FRMD5: variants seen among roughly 807,000 people sequenced by gnomAD.
The protein encoded by FRMD5 is FERM domain containing 5.
A neutral mutation model predicts 69.0 loss-of-function variants in FRMD5; 20 were observed. That is an observed-to-expected ratio of 0.29 (90% confidence interval 0.20 to 0.42). The LOEUF (loss-of-function observed/expected upper bound fraction) is 0.42, where lower values mean the gene tolerates loss of function less well. Among genes scored for constraint, FRMD5 ranks in the 10% least tolerant of loss-of-function variants. The pLI is 1.00. For synonymous variants in FRMD5, 271 were observed against 260.1 expected (o/e 1.04, Z -0.40); for missense variants, 595 against 708.6 (o/e 0.84, Z 1.82).
intron 1 of FRMD5, among the ~76,000 whole-genome samples, chr15:44,103,541 T>C (rs1464305394): frequency 1.3e-5 from 2 of 152,214 alleles, no homozygotes; most frequent in South Asian, 2.1e-4. Context: ...ATAACTCATA[T>C]GCCATACAAT....
Position 43,872,253 on chromosome 15 carries a change from A to G in FRMD5, c.*1632T>C, listed in dbSNP as rs1256288402. 1 of 152,160 alleles carries G rather than the reference A, an allele frequency of 6.6e-6. No homozygotes were observed. The highest frequency in any genetic ancestry group is 1.5e-5 in the Non-Finnish European group (1 of 68,036). 9.4% of individuals were successfully genotyped at this position (152,160 alleles called of 1,614,324 possible). A position where few individuals can be genotyped will look rare whatever the true frequency, so the allele number is the denominator to read the frequency against. On this transcript the variant is annotated 3_prime_UTR_variant, in exon 14 of 14. Transcript: ENST00000417257. ...GAACCCCAATTATTCCACAGTTGTC[A>G]TATTGTAAACATGGACATGGTTCTA...
At position 43,874,273 on chromosome 15, in the gene FRMD5, A is replaced by G. The variant is rs1367861484; in HGVS notation, c.1325T>C (p.Leu442Pro). The G allele has an allele frequency of 2.5e-6, 4 of 1,614,124 alleles. No individual in the cohort carries two copies. In the Admixed American group the frequency reaches 6.7e-5, roughly 27 times the overall value. The change falls in exon 14 of 14, where the codon CTG becomes CCG. Residue 442 changes from leucine (L) to proline (P), a missense_variant. Leu to Pro is a moderately conservative substitution (Grantham distance 98). Around this residue, in one of 5 missense-constraint regions of FRMD5, gnomAD observed 245 missense variants for 227.1 expected, o/e 1.08. Coordinates refer to ENST00000417257, the MANE Select transcript of FRMD5 (RefSeq NM_032892.5). ...PTPVAEHSLE[L>P]MLLSRQINGA... ...ATTGATCTGCCGGGAAAGCAACATC[A>G]GCTCCAGGCTGTGCTCAGCCACAGG... is the stretch of plus-strand genomic sequence containing the variant.
intron 1 of FRMD5, among the ~76,000 whole-genome samples, chr15:44,150,347 A>G (rs1029343668): frequency 2.6e-5 from 4 of 152,118 alleles, no homozygotes; most frequent in African/African-American, 9.7e-5. Context: ...AGAAGTTAGA[A>G]AGGAAGATAT....
At chr15:44,082,263 A>G (rs1396507514) in intron 1 of FRMD5, among the ~76,000 whole-genome samples, 1 of 151,924 alleles carries the variant, frequency 6.6e-6, no homozygotes, top group Non-Finnish European at 1.5e-5. Flanking sequence ...AAAACACTCT[A>G]TCTGCTAATC....
chr15:44,075,945 T>C (rs1027905363), intron 1 of FRMD5, among the ~76,000 whole-genome samples: 2 of 152,214 alleles, frequency 1.3e-5, no homozygotes, highest in Non-Finnish European at 2.9e-5. Flanking sequence ...ATGTGTTTTT[T>C]GGCTGCATAA....
intron 1 of FRMD5, among the ~76,000 whole-genome samples, chr15:44,002,765 C>T (rs1031143276): frequency 4.6e-5 from 7 of 152,222 alleles, no homozygotes; most frequent in Admixed American, 6.5e-5. Context: ...GGGTGCGGCG[C>T]GGGGCTGTCT....
At chr15:44,182,319 CTTTTCTTT>C (rs1679388785) in intron 1 of FRMD5, among the ~76,000 whole-genome samples, 2 of 107,998 alleles carry the variant, frequency 1.9e-5, no homozygotes, top group Non-Finnish European at 3.6e-5. Flanking sequence ...CCCTACATTG[CTTTTCTTT>C]TTTTTTTTTT....
chr15:44,074,874 T>G (rs1254834194), intron 1 of FRMD5, among the ~76,000 whole-genome samples: 1 of 152,188 alleles, frequency 6.6e-6, no homozygotes, highest in Non-Finnish European at 1.5e-5. Context: ...TCAGCTTTAG[T>G]GCCATCACCA....
intron 7 of FRMD5, among the ~76,000 whole-genome samples, chr15:43,892,715 C>G (rs1158593421): frequency 6.6e-6 from 1 of 152,208 alleles, no homozygotes; most frequent in African/African-American, 2.4e-5. Context: ...ACCTTGAAAA[C>G]ATTATGCCAA....
rs2088193271 is a variant in FRMD5, at chr15:43,872,701, T to C, written c.*1184A>G. 1 of 154,634 alleles carries C rather than the reference T, an allele frequency of 6.5e-6. No homozygotes were observed. The highest frequency in any genetic ancestry group is 2.4e-5 in the African/African-American group (1 of 40,954). The allele number at this position is 154,634 out of a possible 1,614,324, so 9.6% of individuals were successfully genotyped here. ...GTAGGCATCTCTTAGAAATCTATTT[T>C]AAAAGATTCTTTTCCTGGTCCCTTC... On this transcript the variant is annotated 3_prime_UTR_variant, in exon 14 of 14. Transcript: ENST00000417257.
chr15:43,887,597 G>A (rs937481730), intron 10 of FRMD5, among the ~76,000 whole-genome samples: 2 of 152,186 alleles, frequency 1.3e-5, no homozygotes, highest in African/African-American at 4.8e-5. Flanking sequence ...TGGCAACTGG[G>A]AGGACCCAGT....
intron 12 of FRMD5, among the ~76,000 whole-genome samples, chr15:43,884,522 G>C (rs185578786): frequency 5.3e-5 from 8 of 152,176 alleles, no homozygotes; most frequent in African/African-American, 1.9e-4. Context: ...TGTACTATCT[G>C]CAGTAGCCCT....
intron 1 of FRMD5, chr15:43,989,288 AT>A (rs918167402): frequency 1.3e-6 from 1 of 785,316 alleles, no homozygotes; most frequent in African/African-American, 1.7e-5. Context: ...GTGCCGCCAG[AT>A]AGCACTGTGT....
intron 1 of FRMD5, among the ~76,000 whole-genome samples, chr15:43,951,057 A>G (rs2090018431): frequency 6.6e-6 from 1 of 152,222 alleles, no homozygotes; most frequent in Non-Finnish European, 1.5e-5. Flanking sequence ...TAGCATATGC[A>G]TCACCTGAAA....
chr15:44,010,406 T>TC (rs1229421118), intron 1 of FRMD5, among the ~76,000 whole-genome samples: 4 of 150,966 alleles, frequency 2.6e-5, no homozygotes, highest in Non-Finnish European at 5.9e-5. Flanking sequence ...TTTTCTTTTT[T>TC]TTTTTTTTTT....
intron 1 of FRMD5, chr15:43,989,175 G>A (rs1026928613): frequency 1.1e-5 from 10 of 879,910 alleles, no homozygotes; most frequent in Admixed American, 1.7e-5. Flanking sequence ...CGATCCACAC[G>A]GAGTACTTGC....
intron 1 of FRMD5, among the ~76,000 whole-genome samples, chr15:44,019,860 T>A (rs1475908191): frequency 6.6e-6 from 1 of 152,004 alleles, no homozygotes; most frequent in Admixed American, 6.5e-5. Context: ...CACTTAATTT[T>A]TCTGTTCTCT....
intron 1 of FRMD5, among the ~76,000 whole-genome samples, chr15:44,033,869 A>C (rs1891793517): frequency 6.6e-6 from 1 of 152,186 alleles, no homozygotes; most frequent in Non-Finnish European, 1.5e-5. Context: ...GAATTAAATA[A>C]GATCATTTAT....
chr15:44,056,240 T>G (rs532352287), intron 1 of FRMD5, among the ~76,000 whole-genome samples: 1 of 152,216 alleles, frequency 6.6e-6, no homozygotes, highest in South Asian at 2.1e-4. Flanking sequence ...AGTGGGGGGA[T>G]TCCCAAAAAT....
Sources: gnomAD v4.1 joint callset for allele counts (sites outside exome capture counted in the v4.1 genomes callset) on GRCh38, gnomAD v4.1.1 for gene constraint, gnomAD v4.1.1 regional missense constraint, MANE v1.5 for transcripts, NCBI Gene and HGNC (gene_info 2026-07-23, HGNC 2026-07-21) for gene names.